Variants in AGXT2 observed in about 807,000 individuals in gnomAD.
AGXT2 encodes alanine--glyoxylate aminotransferase 2, mitochondrial.
AGXT2 carries 61 observed loss-of-function variants against 62.5 expected under a neutral mutation model. That is an observed-to-expected ratio of 0.98 (90% confidence interval 0.79 to 1.21). The LOEUF (loss-of-function observed/expected upper bound fraction) is 1.21, where lower values mean the gene tolerates loss of function less well. AGXT2 is among the 50% of genes most tolerant of loss of function. The pLI is 0.00. For synonymous variants in AGXT2, 243 were observed against 218.7 expected (o/e 1.11, Z -0.98); for missense variants, 666 against 641.5 (o/e 1.04, Z -0.41).
intron 11 of AGXT2, among the ~76,000 whole-genome samples, chr5:35,012,060 A>C (rs1379013139): frequency 2.0e-5 from 3 of 152,048 alleles, no homozygotes. Flanking sequence ...GGTACACAAT[A>C]GACATTGGAG....
At chr5:35,031,948 T>A (rs376506624) in intron 7 of AGXT2, among the ~76,000 whole-genome samples, 4 of 141,116 alleles carry the variant, frequency 2.8e-5, no homozygotes, top group African/African-American at 1.2e-4. Context: ...TCTTGCTTTT[T>A]TTTTTTTTTT....
At chr5:35,021,211 T>TG (rs570139862) in intron 9 of AGXT2, among the ~76,000 whole-genome samples, 1 of 152,060 alleles carries the variant, frequency 6.6e-6, no homozygotes, top group African/African-American at 2.4e-5. Context: ...TTCACAGAAT[T>TG]GAAAAAACTA....
rs150037067 is a variant in AGXT2, at chr5:35,010,149, C to T, written c.1189G>A (p.Val397Met). 1 of 1,614,192 alleles carries T rather than the reference C, an allele frequency of 6.2e-7. No individual in the cohort carries two copies. The highest frequency in any genetic ancestry group is 2.2e-5 in the East Asian group (1 of 44,888). ...TCCTGTAGATTTTCTTCTTTAATCA[C>T]CTGTTAAGAGAAAGCCCCAAATGAT... is the stretch of plus-strand genomic sequence containing the variant. The part of the protein sequence containing the change: ...ACAIGSAVLE[V>M]IKEENLQENS... Residue 397 changes from valine (V) to methionine (M), a missense_variant and splice_region_variant, in exon 12 of 14, where the codon GTG (valine) becomes ATG (methionine). Physicochemically the swap from Val to Met is conservative, Grantham distance 21. Transcript: ENST00000231420.
chr5:35,044,646 C>T (rs1227494010), intron 1 of AGXT2, among the ~76,000 whole-genome samples: 1 of 152,210 alleles, frequency 6.6e-6, no homozygotes, highest in Non-Finnish European at 1.5e-5. Context: ...CAGCTGCCCT[C>T]CCTCCTTCCC....
intron 9 of AGXT2, among the ~76,000 whole-genome samples, chr5:35,023,075 G>C (rs181855421): frequency 7.0e-6 from 1 of 143,680 alleles, no homozygotes; most frequent in Admixed American, 7.2e-5. Flanking sequence ...CTTTTATTCC[G>C]ATATTGTTTT....
chr5:35,042,835 G>A (rs1315518145), intron 1 of AGXT2, among the ~76,000 whole-genome samples: 3 of 151,736 alleles, frequency 2.0e-5, no homozygotes, highest in African/African-American at 4.9e-5. Context: ...TATATCCAAG[G>A]TCTATTTCTG....
At chr5:35,011,899 A>C (rs954604312) in intron 11 of AGXT2, among the ~76,000 whole-genome samples, 7 of 145,774 alleles carry the variant, frequency 4.8e-5, no homozygotes, top group African/African-American at 1.6e-4. Context: ...TGAGTGGATA[A>C]AGAAAATGTG....
chr5:35,029,535 A>G (rs529692403), intron 7 of AGXT2, among the ~76,000 whole-genome samples: 5 of 152,348 alleles, frequency 3.3e-5, no homozygotes, highest in Admixed American at 2.0e-4. Context: ...ACTTCTGCAG[A>G]GGCTTGGCAG....
At position 35,027,914 on chromosome 5, in the gene AGXT2, C is replaced by T. The variant is rs566666668; in HGVS notation, c.770-1404G>A. Among the ~76,000 whole-genome samples, 7 of 150,982 alleles carry T rather than the reference C, an allele frequency of 4.6e-5. No individual in the cohort carries two copies. The East Asian group carries it at 9.7e-4, about 21-fold the overall frequency. ...TCCACTTCCATTCAGCACCAGAATC[C>T]TTGCAGGCCCTTTGGCCTGTGAGGG... On this transcript the variant is annotated intron_variant, in intron 7 of 13. Transcript: ENST00000231420.
chr5:35,018,251 A>C (rs947007666), intron 9 of AGXT2, among the ~76,000 whole-genome samples: 1 of 152,198 alleles, frequency 6.6e-6, no homozygotes, highest in Non-Finnish European at 1.5e-5. Flanking sequence ...TGAGAAGAGC[A>C]ACTCCAAGAC....
chr5:35,037,762 A>G (rs984420730), intron 3 of AGXT2, among the ~76,000 whole-genome samples: 11 of 152,296 alleles, frequency 7.2e-5, no homozygotes, highest in Middle Eastern at 3.4e-3. Context: ...TCTGAGTCTG[A>G]ACAGTGGTTA....
intron 7 of AGXT2, among the ~76,000 whole-genome samples, chr5:35,032,021 C>T (rs1767580160): frequency 6.9e-6 from 1 of 144,718 alleles, no homozygotes. Flanking sequence ...GGCGTTATCT[C>T]AGTTCACTGC....
intron 8 of AGXT2, 130 bp from the exon 9 acceptor site, chr5:35,025,985 A>G (rs1580594901): frequency 1.3e-6 from 1 of 794,730 alleles, no homozygotes; most frequent in East Asian, 2.6e-5. Context: ...CAGTCTGTAG[A>G]ACAGTTTCCA....
chr5:35,045,909 A>T (rs932300198), intron 1 of AGXT2, among the ~76,000 whole-genome samples: 1 of 151,740 alleles, frequency 6.6e-6, no homozygotes, highest in Non-Finnish European at 1.5e-5. Flanking sequence ...CTGGAACTAC[A>T]GGCGTTCGCC....
intron 13 of AGXT2, among the ~76,000 whole-genome samples, chr5:35,002,495 C>T (rs373573606): frequency 6.6e-6 from 1 of 152,272 alleles, no homozygotes; most frequent in East Asian, 1.9e-4. Flanking sequence ...CCTTGAATTC[C>T]TATGTTGGAA....
intron 11 of AGXT2, among the ~76,000 whole-genome samples, chr5:35,010,472 G>A (rs1766590479): frequency 6.6e-6 from 1 of 152,092 alleles, no homozygotes; most frequent in Admixed American, 6.5e-5. Flanking sequence ...AAGGTCAGGA[G>A]TTCGGGACCA....
intron 13 of AGXT2, among the ~76,000 whole-genome samples, chr5:35,002,780 G>GT (rs35287798): frequency 0.31 from 47,630 of 151,860 alleles, 7,965 homozygotes; most frequent in East Asian, 0.47. Context: ...GCAGGCTGGG[G>GT]GGGGGGACTA....
chr5:35,027,060 T>A, intron 7 of AGXT2: 1 of 968,026 alleles, frequency 1.0e-6, no homozygotes, highest in Non-Finnish European at 1.2e-6. Flanking sequence ...ATCGCAGCCC[T>A]TGGCACTTGG....
At chr5:35,034,781 G>A (rs940985112) in intron 5 of AGXT2, among the ~76,000 whole-genome samples, 3 of 152,186 alleles carry the variant, frequency 2.0e-5, no homozygotes, top group Non-Finnish European at 4.4e-5. Context: ...AAAAATGGGT[G>A]CAGCTGGCAC....
Sources: gnomAD v4.1 joint callset for allele counts (sites outside exome capture counted in the v4.1 genomes callset) on GRCh38, gnomAD v4.1.1 for gene constraint, MANE v1.5 for transcripts, NCBI Gene and HGNC (gene_info 2026-07-23, HGNC 2026-07-21) for gene names.